Variants in GJC2 observed in about 807,000 individuals in gnomAD.
GJC2 encodes gap junction protein gamma 2, also known as gap junction gamma-2 protein.
For missense variants in GJC2, 647 were observed against 648.9 expected (o/e 1.00, Z 0.03); for synonymous variants, 336 against 307.5 (o/e 1.09, Z -0.97).
Position 228,158,250 on chromosome 1 carries a change from C to T in GJC2, c.492C>T (p.Gly164=), listed in dbSNP as rs745407861. ...AGGAGGAGACGGGGGCAGCCGAGGG[C>T]GCCGGCGAGGAAGCGGAGGAGGCAG... ...EEEEETGAAE[G]AGEEAEEAGA... is the part of the protein sequence containing the mutation. Residue 164 remains glycine (G), a synonymous_variant, in exon 2 of 2, where the codon GGC becomes GGT. Coordinates refer to ENST00000366714, the MANE Select transcript of GJC2 (RefSeq NM_020435.4). The surrounding 1 kb of genome is among the most constrained non-coding windows in gnomAD (Gnocchi z 8.3). 2 of 1,513,068 alleles carry T rather than the reference C, an allele frequency of 1.3e-6. No homozygotes were observed. The highest frequency in any genetic ancestry group is 1.8e-6 in the Non-Finnish European group (2 of 1,134,110). 93.7% of individuals were successfully genotyped at this position (1,513,068 alleles called of 1,614,324 possible).
chr1:228,158,581 A>T lies in GJC2; in HGVS notation c.823A>T (p.Ser275Cys). 1.9e-6 allele frequency: 3 copies of T among 1,612,308 alleles called. No homozygotes were observed. The highest frequency in any genetic ancestry group is 2.5e-6 in the Non-Finnish European group (3 of 1,179,390). ...TVFLLVMYVV[S>C]CLCLLLNLCE... is the part of the protein sequence containing the mutation. The stretch of plus-strand genomic sequence containing the variant: ...CTTCCTGCTGGTTATGTACGTGGTC[A>T]GCTGCCTGTGCCTGCTGCTCAACCT... The change falls in exon 2 of 2, where the codon AGC becomes TGC. Residue 275 changes from serine to cysteine, a missense_variant. Physicochemically the swap from Ser to Cys is moderately radical, Grantham distance 112 (BLOSUM62 -1). Transcript: ENST00000366714. The surrounding 1 kb of genome is among the most constrained non-coding windows in gnomAD (Gnocchi z 8.3).
Position 228,159,356 on chromosome 1 carries a change from C to T in GJC2, c.*278C>T. 2.0e-6 allele frequency: 1 copy of T among 495,588 alleles called. No homozygotes were observed. Among genetic ancestry groups the T allele is most frequent in the Non-Finnish European group, 3.7e-6 (1 of 268,916 alleles). 30.7% of individuals were successfully genotyped at this position (495,588 alleles called of 1,614,324 possible). On this transcript the variant is annotated 3_prime_UTR_variant, in exon 2 of 2. Transcript: ENST00000366714. The surrounding 1 kb of genome is among the most constrained non-coding windows in gnomAD (Gnocchi z 4.0). ...CAGGGGGAGTGGGGCATTGACTCCACCCCTGTCCTGAGCTGGAATAGGTCC... is the reference window on the plus strand; with the variant it reads ...CAGGGGGAGTGGGGCATTGACTCCATCCCTGTCCTGAGCTGGAATAGGTCC...
chr1:228,156,155 T>A (rs1174172378), intron 1 of GJC2, among the ~76,000 whole-genome samples: 4 of 152,218 alleles, frequency 2.6e-5, no homozygotes, highest in Non-Finnish European at 2.9e-5. Flanking sequence ...CACGTGTGTG[T>A]GTGTGCACGG....
intron 1 of GJC2, among the ~76,000 whole-genome samples, chr1:228,155,766 G>T (rs371012974): frequency 2.0e-4 from 30 of 152,338 alleles, no homozygotes; most frequent in African/African-American, 4.8e-4. Flanking sequence ...CCGAGCCACA[G>T]TGGTCTCCAG....
rs1217720140 is a variant in GJC2 at position 228,151,610 on chromosome 1, G to A, written c.-20+1603G>A. ...CACTGCTTGTGTGTGGGGGGGTGGAGGGAGGAGCGTGCCCTGTGTGTACAT... is the reference window on the plus strand; with the variant it reads ...CACTGCTTGTGTGTGGGGGGGTGGAAGGAGGAGCGTGCCCTGTGTGTACAT... On this transcript the variant is annotated intron_variant, in intron 1 of 1. Coordinates refer to ENST00000366714, the MANE Select transcript of GJC2 (RefSeq NM_020435.4). This position sits in a 1 kb window ranked among gnomAD's most constrained non-coding sequence, Gnocchi z 5.4. 1.3e-5 allele frequency among the ~76,000 whole-genome samples: 2 copies of A among 152,136 alleles called. No homozygotes were observed. The highest frequency in any genetic ancestry group is 2.9e-5 in the Non-Finnish European group (2 of 68,006).
Position 228,159,099 on chromosome 1 carries a change from G to A in GJC2, c.*21G>A. On this transcript the variant is annotated 3_prime_UTR_variant, in exon 2 of 2. Coordinates refer to ENST00000366714, the MANE Select transcript of GJC2 (RefSeq NM_020435.4). The surrounding 1 kb of genome is among the most constrained non-coding windows in gnomAD (Gnocchi z 4.0). ...TCTGAGGGCGCTGGCTTGCGAGCTGGGCCAGGGAGGAGGAGGGTTGGGGGG... is the reference window on the plus strand; with the variant it reads ...TCTGAGGGCGCTGGCTTGCGAGCTGAGCCAGGGAGGAGGAGGGTTGGGGGG... 6.2e-7 allele frequency: 1 copy of A among 1,608,404 alleles called. No individual in the cohort carries two copies. Among genetic ancestry groups the A allele is most frequent in the Non-Finnish European group, 8.5e-7 (1 of 1,178,652 alleles).
rs1043890042 is a variant in GJC2, at chr1:228,150,457, G to A, written c.-20+450G>A. ...AGGGGGCCAGCCTGCCCCTGGTATA[G>A]ACAGACCTGGGGCCCTGCTCAGTCC... On this transcript the variant is annotated intron_variant, in intron 1 of 1. Transcript: ENST00000366714. The surrounding 1 kb of genome is among the most constrained non-coding windows in gnomAD (Gnocchi z 4.6). Among the ~76,000 whole-genome samples, 3 of 152,116 alleles carry A rather than the reference G, an allele frequency of 2.0e-5. No individual in the cohort carries two copies. Among genetic ancestry groups the A allele is most frequent in the Non-Finnish European group, 4.4e-5 (3 of 67,986 alleles).
chr1:228,151,833 G>A lies in GJC2; in HGVS notation c.-20+1826G>A, dbSNP rs1258152610. ...GGGCATCCAGAGGAGCATGGCTGAG[G>A]GTGCACTCGGGGCTGACCGTCCCAG... On this transcript the variant is annotated intron_variant, in intron 1 of 1. Transcript: ENST00000366714. The surrounding 1 kb of genome is among the most constrained non-coding windows in gnomAD (Gnocchi z 5.4). 6.6e-6 allele frequency among the ~76,000 whole-genome samples: 1 copy of A among 152,170 alleles called. No individual in the cohort carries two copies. Among genetic ancestry groups the A allele is most frequent in the African/African-American group, 2.4e-5 (1 of 41,446 alleles).
intron 1 of GJC2, among the ~76,000 whole-genome samples, chr1:228,156,563 C>A (rs968308546): frequency 2.0e-5 from 3 of 152,216 alleles, no homozygotes; most frequent in Non-Finnish European, 4.4e-5. Flanking sequence ...ACCCTGACTG[C>A]CCCCTCTTCC....
rs944199616 is a variant in GJC2, at chr1:228,158,723, C to T, written c.965C>T (p.Ala322Val). 4 of 1,315,008 alleles carry T rather than the reference C, an allele frequency of 3.0e-6. No individual in the cohort carries two copies. The highest frequency in any genetic ancestry group is 2.9e-6 in the Non-Finnish European group (3 of 1,026,172). The allele number at this position is 1,315,008 out of a possible 1,614,324, so 81.5% of individuals were successfully genotyped here. ...APRPPPCAFP[A>V]AAAGLACPPD... is the part of the protein sequence containing the mutation. ...CGGCCCCCGCCCTGCGCCTTCCCTG[C>T]GGCGGCCGCTGGCTTGGCCTGCCCG... The change falls in exon 2 of 2, where the codon GCG becomes GTG. Residue 322 changes from alanine to valine, a missense_variant. Transcript: ENST00000366714. The surrounding 1 kb of genome is among the most constrained non-coding windows in gnomAD (Gnocchi z 8.3).
rs529717425 is a variant in GJC2 at position 228,158,535 on chromosome 1, G to A, written c.777G>A (p.Ser259=). ...CGCACGTGGTGGACTGCTTCGTGTC[G>A]CGCCCTACTGAAAAGACGGTCTTCC... ...PCPHVVDCFV[S]RPTEKTVFLL... Residue 259 remains serine (S), a synonymous_variant, in exon 2 of 2, where the codon TCG becomes TCA. Coordinates refer to ENST00000366714, the MANE Select transcript of GJC2 (RefSeq NM_020435.4). This position sits in a 1 kb window ranked among gnomAD's most constrained non-coding sequence, Gnocchi z 8.3. The A allele has an allele frequency of 6.2e-6, 10 of 1,612,904 alleles. No individual in the cohort carries two copies. Among genetic ancestry groups the A allele is most frequent in the Non-Finnish European group, 5.9e-6 (7 of 1,179,648 alleles).
intron 1 of GJC2, among the ~76,000 whole-genome samples, chr1:228,153,386 CA>C (rs11316494): frequency 0.92 from 119,876 of 130,956 alleles, 55,435 homozygotes; most frequent in East Asian, 0.99. Context: ...GAGACCCCAT[CA>C]AAAAAAAAAA....
rs1424210656 is a variant in GJC2 at position 228,158,335 on chromosome 1, G to A, written c.577G>A (p.Gly193Ser). 4 of 1,567,646 alleles carry A rather than the reference G, an allele frequency of 2.6e-6. No individual in the cohort carries two copies. The highest frequency in any genetic ancestry group is 2.3e-5 in the South Asian group (2 of 87,962). Reference protein sequence around the residue: ...GADGKAAGTPGPTGQHDGRRR... With the variant: ...GADGKAAGTPSPTGQHDGRRR... The stretch of plus-strand genomic sequence containing the variant: ...TGACGGCAAGGCGGCAGGGACCCCG[G>A]GCCCGACCGGGCAACACGATGGGCG... The change falls in exon 2 of 2, where the codon GGC becomes AGC. Residue 193 changes from glycine (G) to serine (S), a missense_variant. Transcript: ENST00000366714. This position sits in a 1 kb window ranked among gnomAD's most constrained non-coding sequence, Gnocchi z 8.3.
chr1:228,155,451 C>G (rs534073985), intron 1 of GJC2, among the ~76,000 whole-genome samples: 3 of 152,280 alleles, frequency 2.0e-5, no homozygotes, highest in African/African-American at 7.2e-5. Context: ...GCCCTGCAGG[C>G]GGGGCCAGGC....
chr1:228,153,389 A>G (rs2034643221), intron 1 of GJC2, among the ~76,000 whole-genome samples: 1 of 142,534 alleles, frequency 7.0e-6, no homozygotes. Context: ...ACCCCATCAA[A>G]AAAAAAAAAA....
At chr1:228,157,623 C>G in intron 1 of GJC2, 117 bp from the exon 2 acceptor site, 1 of 633,608 alleles carries the variant, frequency 1.6e-6, no homozygotes, top group Non-Finnish European at 2.7e-6. Context: ...GTAAGCTCCA[C>G]GTCATTGACT....
At chr1:228,156,429 A>C (rs765080462) in intron 1 of GJC2, among the ~76,000 whole-genome samples, 1 of 152,208 alleles carries the variant, frequency 6.6e-6, no homozygotes, top group African/African-American at 2.4e-5. Flanking sequence ...ATGCATGTGC[A>C]CGTGTGTGCA....
Position 228,158,537 on chromosome 1 carries a change from G to A in GJC2, c.779G>A (p.Arg260His). 1 of 1,612,894 alleles carries A rather than the reference G, an allele frequency of 6.2e-7. No individual in the cohort carries two copies. The change falls in exon 2 of 2, where the codon CGC becomes CAC. Residue 260 changes from arginine to histidine, a missense_variant. Arg to His is a conservative substitution (Grantham distance 29). Transcript: ENST00000366714. This position sits in a 1 kb window ranked among gnomAD's most constrained non-coding sequence, Gnocchi z 8.3. Reference protein sequence around the residue: ...CPHVVDCFVSRPTEKTVFLLV... With the variant: ...CPHVVDCFVSHPTEKTVFLLV... ...CACGTGGTGGACTGCTTCGTGTCGC[G>A]CCCTACTGAAAAGACGGTCTTCCTG...
chr1:228,158,785 G>C lies in GJC2; in HGVS notation c.1027G>C (p.Ala343Pro). The C allele has an allele frequency of 7.0e-7, 1 of 1,425,542 alleles. No individual in the cohort carries two copies. Among genetic ancestry groups the C allele is most frequent in the Non-Finnish European group, 9.2e-7 (1 of 1,092,298 alleles). 88.3% of individuals were successfully genotyped at this position (1,425,542 alleles called of 1,614,324 possible). A position where few individuals can be genotyped will look rare whatever the true frequency, so the allele number is the denominator to read the frequency against. Residue 343 changes from alanine to proline, a missense_variant, in exon 2 of 2, where the codon GCT becomes CCT. Ala to Pro is a conservative substitution (Grantham distance 27). Coordinates refer to ENST00000366714, the MANE Select transcript of GJC2 (RefSeq NM_020435.4). This position sits in a 1 kb window ranked among gnomAD's most constrained non-coding sequence, Gnocchi z 8.3. ...CCTGGTGGTGCGGGCGGCCGAGCGCGCTCGGGCGCATGACCAGAACCTGGC... is the reference window on the plus strand; with the variant it reads ...CCTGGTGGTGCGGGCGGCCGAGCGCCCTCGGGCGCATGACCAGAACCTGGC... ...YSLVVRAAER[A>P]RAHDQNLANL...
Sources: gnomAD v4.1 joint callset for allele counts (sites outside exome capture counted in the v4.1 genomes callset) on GRCh38, gnomAD v4.1.1 for gene constraint, Gnocchi (gnomAD v3.1) non-coding constraint, MANE v1.5 for transcripts, NCBI Gene and HGNC (gene_info 2026-07-23, HGNC 2026-07-21) for gene names.